The following MYO7A variants were observed in gnomAD, a reference collection of about 807,000 sequenced individuals.
MYO7A encodes unconventional myosin-VIIa.
In MYO7A, 210 loss-of-function variants were observed where a neutral mutation model predicts 263.8. The ratio of observed to expected loss-of-function variants is 0.80; its 90% confidence interval spans 0.71 to 0.89. The LOEUF (loss-of-function observed/expected upper bound fraction) is 0.89, where lower values mean the gene tolerates loss of function less well. MYO7A is among the 40% of genes least tolerant of loss of function. The pLI is 0.00. For missense variants in MYO7A, 2,820 were observed against 2,968.3 expected, an observed-to-expected ratio of 0.95 and a Z score of 1.16; for synonymous variants, 1,239 against 1,197.3, an observed-to-expected ratio of 1.03 and a Z score of -0.72.
intron 16 of MYO7A, 28 bp downstream of exon 16, chr11:77,172,913 G>C: frequency 1.5e-5 from 23 of 1,537,348 alleles, no homozygotes; most frequent in Non-Finnish European, 2.0e-5. Flanking sequence ...GGGGTTGGCG[G>C]GTGGCGGCTA....
At chr11:77,214,074 C>A (rs758158922) in intron 48 of MYO7A, 95 bp downstream of exon 48, 29 of 1,549,350 alleles carry the variant, frequency 1.9e-5, no homozygotes, top group Non-Finnish European at 2.5e-5. Context: ...TAGTGTGCGG[C>A]TGGGCCTGGG....
chr11:77,212,825 C>T, intron 46 of MYO7A, 127 bp from the exon 47 acceptor site: 1 of 767,118 alleles, frequency 1.3e-6, no homozygotes, highest in South Asian at 1.5e-5. Context: ...CATGGCAGGG[C>T]CGTCAGTACC....
At chr11:77,135,032 G>A (rs782627076) in intron 2 of MYO7A, among the ~76,000 whole-genome samples, 11 of 152,052 alleles carry the variant, frequency 7.2e-5, no homozygotes, top group South Asian at 2.1e-4. Context: ...TGATCTGCCC[G>A]CCTCAGCCTC....
Position 77,157,361 on chromosome 11 carries a change from G to C in MYO7A, c.818G>C (p.Gly273Ala). The C allele has an allele frequency of 6.2e-7, 1 of 1,610,966 alleles. No individual in the cohort carries two copies. The change falls in exon 8 of 49, where the codon GGC becomes GCC. Residue 273 changes from glycine (G) to alanine (A), a missense_variant. Transcript: ENST00000409709. ...GATCAGAAGAAGAAGCTGGGCTTGG[G>C]CCAGGCCTCTGACTACAACTACTTG... is the stretch of plus-strand genomic sequence containing the variant. ...SEDQKKKLGL[G>A]QASDYNYLAM...
At chr11:77,192,679 A>G (rs1956179252) in intron 31 of MYO7A, among the ~76,000 whole-genome samples, 1 of 152,180 alleles carries the variant, frequency 6.6e-6, no homozygotes, top group South Asian at 2.1e-4. Context: ...CCTTCTGAGG[A>G]CAGGAGTTAT....
At chr11:77,200,525 C>T (rs955980170) in intron 35 of MYO7A, among the ~76,000 whole-genome samples, 2 of 152,228 alleles carry the variant, frequency 1.3e-5, no homozygotes, top group African/African-American at 4.8e-5. Flanking sequence ...GACCCAAACA[C>T]CTCACACTAG....
At chr11:77,181,779 GTTTTTTTTTTTTTT>G (rs782689084) in intron 23 of MYO7A, among the ~76,000 whole-genome samples, 158 bp from the exon 24 acceptor site, 1 of 90,052 alleles carries the variant, frequency 1.1e-5, no homozygotes, top group African/African-American at 3.7e-5. Context: ...TTTTTTTTTT[GTTTTTTTTTTTTTT>G]TTTTTTTTTG....
chr11:77,173,848 G>A (rs1237450402), intron 16 of MYO7A, among the ~76,000 whole-genome samples: 1 of 152,074 alleles, frequency 6.6e-6, no homozygotes, highest in Non-Finnish European at 1.5e-5. Flanking sequence ...GGGTCGCAGA[G>A]GGCTCCAGTG....
chr11:77,149,172 C>T (rs1266218368), intron 4 of MYO7A, among the ~76,000 whole-genome samples: 1 of 152,218 alleles, frequency 6.6e-6, no homozygotes, highest in Non-Finnish European at 1.5e-5. Flanking sequence ...CAGCCCCATC[C>T]TCCCGCAGCC....
intron 32 of MYO7A, among the ~76,000 whole-genome samples, chr11:77,196,428 G>A (rs757369102): frequency 1.3e-5 from 2 of 152,070 alleles, no homozygotes; most frequent in Non-Finnish European, 2.9e-5. Flanking sequence ...TGGGGGTGAG[G>A]ACTTTAATAC....
Position 77,160,188 on chromosome 11 carries a change from GCCTGACTAGCCGCAC to G in MYO7A, c.1110_1124del (p.Thr371_Leu375del). ...GTGAACCCCCCAGACCTGATGAGCT[GCCTGACTAGCCGCAC>G]CCTCATCACCCGCGGGGAGACGGTG... On this transcript the variant is annotated inframe_deletion, in exon 11 of 49. Coordinates refer to ENST00000409709, the MANE Select transcript of MYO7A (RefSeq NM_000260.4). 1 of 1,569,118 alleles carries G rather than the reference GCCTGACTAGCCGCAC, an allele frequency of 6.4e-7. No individual in the cohort carries two copies. The highest frequency in any genetic ancestry group is 8.6e-7 in the Non-Finnish European group (1 of 1,158,106).
chr11:77,184,170 G>A (rs1292514494), intron 26 of MYO7A, among the ~76,000 whole-genome samples: 2 of 152,194 alleles, frequency 1.3e-5, no homozygotes, highest in African/African-American at 4.8e-5. Flanking sequence ...TGGTGACAGA[G>A]TGGTGGTGAC....
chr11:77,157,244 T>C, intron 7 of MYO7A, 35 bp from the exon 8 acceptor site: 1 of 1,540,656 alleles, frequency 6.5e-7, no homozygotes, highest in Non-Finnish European at 8.9e-7. Context: ...CTGGCCCTCC[T>C]CCCCTGGCCC....
At chr11:77,172,418 G>T (rs1202948865) in intron 15 of MYO7A, among the ~76,000 whole-genome samples, 1 of 152,150 alleles carries the variant, frequency 6.6e-6, no homozygotes, top group African/African-American at 2.4e-5. Context: ...TGAGACTCAG[G>T]GGCTGCCCCT....
In MYO7A at chr11:77,211,186, G is replaced by A; in HGVS notation, c.6086G>A (p.Cys2029Tyr). The change falls in exon 45 of 49, where the codon TGC becomes TAC. Residue 2029 changes from cysteine (C) to tyrosine (Y), a missense_variant. By Grantham distance (194) the Cys-to-Tyr change is radical. Coordinates refer to ENST00000409709, the MANE Select transcript of MYO7A (RefSeq NM_000260.4). ...AAGTATCTCCGAGGCTACCACAAGT[G>A]CACGCGGGAGGAGGTGCTGCAGCTG... ...LPKYLRGYHKCTREEVLQLGA... is the reference protein window; with the variant it reads ...LPKYLRGYHKYTREEVLQLGA... The A allele has an allele frequency of 1.3e-6, 2 of 1,592,312 alleles. No individual in the cohort carries two copies. The highest frequency in any genetic ancestry group is 8.5e-7 in the Non-Finnish European group (1 of 1,169,674).
In MYO7A at chr11:77,179,728, C is replaced by T; in HGVS notation, c.2368-7C>T. On this transcript the variant is annotated splice_polypyrimidine_tract_variant and splice_region_variant and intron_variant, in intron 20 of 48. Coordinates refer to ENST00000409709, the MANE Select transcript of MYO7A (RefSeq NM_000260.4). Reference sequence around the variant, plus strand: ...AGGCTCTGAGCATGGGGTGGCTGTCCTTGCAGATGCGTCTGGGCTTCCTGC... The same window carrying T: ...AGGCTCTGAGCATGGGGTGGCTGTCTTTGCAGATGCGTCTGGGCTTCCTGC... 5 of 1,528,412 alleles carry T rather than the reference C, an allele frequency of 3.3e-6. No individual in the cohort carries two copies. Among genetic ancestry groups the T allele is most frequent in the Non-Finnish European group, 4.4e-6 (5 of 1,133,270 alleles). The allele number at this position is 1,528,412 out of a possible 1,614,324, so 94.7% of individuals were successfully genotyped here.
chr11:77,179,847 A>G lies in MYO7A; in HGVS notation c.2480A>G (p.Tyr827Cys), dbSNP rs782474674. ...CAGTTCCAGGCCCGCTGCCGCGCCTATCTGGTGCGCAAGGCCTTCCGCCAC... is the reference window on the plus strand; with the variant it reads ...CAGTTCCAGGCCCGCTGCCGCGCCTGTCTGGTGCGCAAGGCCTTCCGCCAC... ...IIQFQARCRAYLVRKAFRHRL... is the reference protein window; with the variant it reads ...IIQFQARCRACLVRKAFRHRL... The change falls in exon 21 of 49, where the codon TAT becomes TGT. Residue 827 changes from tyrosine (Y) to cysteine (C), a missense_variant. Transcript: ENST00000409709. The G allele has an allele frequency of 2.6e-6, 4 of 1,542,558 alleles. No individual in the cohort carries two copies. The highest frequency in any genetic ancestry group is 1.2e-5 in the South Asian group (1 of 84,012).
intron 10 of MYO7A, 139 bp from the exon 11 acceptor site, chr11:77,160,024 G>T: frequency 7.6e-7 from 1 of 1,311,050 alleles, no homozygotes; most frequent in Non-Finnish European, 1.0e-6. Context: ...GGGAGGATTT[G>T]GCCGTGGGCC....
chr11:77,161,968 G>A (rs146450223), intron 12 of MYO7A, among the ~76,000 whole-genome samples, 152 bp from the exon 13 acceptor site: 221 of 152,334 alleles, frequency 1.5e-3, no homozygotes, highest in African/African-American at 5.0e-3. Context: ...CCTGGAGGGA[G>A]GTGGACTTGA....
Sources: gnomAD v4.1 joint callset for allele counts (sites outside exome capture counted in the v4.1 genomes callset) on GRCh38, gnomAD v4.1.1 for gene constraint, MANE v1.5 for transcripts, NCBI Gene and HGNC (gene_info 2026-07-23, HGNC 2026-07-21) for gene names.